Variants in AGO1 observed in about 807,000 individuals in gnomAD.
The protein encoded by AGO1 is argonaute RISC component 1, also known as protein argonaute-1.
AGO1 carries 11 observed loss-of-function variants against 109.2 expected under a neutral mutation model. That is an observed-to-expected ratio of 0.10 (90% confidence interval 0.06 to 0.17). AGO1 has a LOEUF of 0.17. Ranked by LOEUF, AGO1 falls within the 10% of genes least tolerant of loss-of-function variation. The probability of loss-of-function intolerance (pLI) is 1.00; values close to 1 mark genes in which losing one functional copy is unlikely to be tolerated. For missense variants in AGO1, 574 were observed against 1,140.3 expected (o/e 0.50, Z 7.15); for synonymous variants, 422 against 418.6 (o/e 1.01, Z -0.10).
rs1645064938 is a variant in AGO1 at position 35,883,490 on chromosome 1, G to A, written c.25+44G>A. 6.6e-7 allele frequency: 1 copy of A among 1,512,956 alleles called. No homozygotes were observed. The highest frequency in any genetic ancestry group is 1.5e-5 in the African/African-American group (1 of 68,330). The allele number at this position is 1,512,956 out of a possible 1,614,324, so 93.7% of individuals were successfully genotyped here. ...GGGAACGGTGCATGCTCCAAGGACTGGGGGATCCCGCATGAAAAGCGTGGT... is the reference window on the plus strand; with the variant it reads ...GGGAACGGTGCATGCTCCAAGGACTAGGGGATCCCGCATGAAAAGCGTGGT... On this transcript the variant is annotated intron_variant, in intron 1 of 18. Transcript: ENST00000373204. This position sits in a 1 kb window ranked among gnomAD's most constrained non-coding sequence, Gnocchi z 5.4.
chr1:35,899,562 C>G (rs978826149), intron 8 of AGO1, among the ~76,000 whole-genome samples: 1 of 152,194 alleles, frequency 6.6e-6, no homozygotes, highest in East Asian at 1.9e-4. Flanking sequence ...TCTTTAACCA[C>G]CTGTAGAGAA....
rs1645793078 is a variant in AGO1 at position 35,919,422 on chromosome 1, A to C, written c.2466-77A>C. The C allele has an allele frequency of 2.0e-6, 3 of 1,493,492 alleles. No homozygotes were observed. The highest frequency in any genetic ancestry group is 2.7e-6 in the Non-Finnish European group (3 of 1,096,924). 92.5% of individuals were successfully genotyped at this position (1,493,492 alleles called of 1,614,324 possible). On this transcript the variant is annotated intron_variant, in intron 18 of 18. Transcript: ENST00000373204. The surrounding 1 kb of genome is among the most constrained non-coding windows in gnomAD (Gnocchi z 6.6). ...CTCTTAAGTTGGTATGGGAATTGGC[A>C]TCCCAGGGCTGGGCGAGGGAATTAG...
intron 15 of AGO1, among the ~76,000 whole-genome samples, chr1:35,916,185 C>G (rs1385835360): frequency 2.6e-5 from 4 of 151,510 alleles, no homozygotes; most frequent in South Asian, 2.1e-4. Flanking sequence ...AACATATGTT[C>G]TATTTAATGC....
At chr1:35,870,007 G>T (rs1479840330) in intron 1 of AGO1, 1 of 152,068 alleles carries the variant, frequency 6.6e-6, no homozygotes. Context: ...AGGCTGTGGA[G>T]ATATTTATAT....
chr1:35,906,109 C>T (rs941502065), intron 11 of AGO1, among the ~76,000 whole-genome samples: 4 of 152,180 alleles, frequency 2.6e-5, no homozygotes, highest in Admixed American at 6.5e-5. Context: ...TACTCTACTG[C>T]ATGTGTGTCC....
At chr1:35,889,075 G>A (rs1249058245) in intron 2 of AGO1, among the ~76,000 whole-genome samples, 1 of 151,330 alleles carries the variant, frequency 6.6e-6, no homozygotes, top group Non-Finnish European at 1.5e-5. Context: ...CCTTGATGAG[G>A]CAGAAGGACA....
chr1:35,907,245 C>T, intron 12 of AGO1, 126 bp downstream of exon 12: 2 of 848,828 alleles, frequency 2.4e-6, no homozygotes, highest in Non-Finnish European at 1.7e-6. Flanking sequence ...AATGTCAGTG[C>T]TCCTCTTATA....
At chr1:35,879,458 TAAAA>T (rs1164295719), upstream of AGO1, among the ~76,000 whole-genome samples, 1 of 130,318 alleles carries the variant, frequency 7.7e-6, no homozygotes, top group Non-Finnish European at 1.6e-5. Context: ...CAAAAAAAAA[TAAAA>T]AAAAGTAAAA....
Position 35,888,668 on chromosome 1 carries a change from C to A in AGO1, c.209+58C>A, listed in dbSNP as rs185412627. 3.6e-4 allele frequency: 575 copies of A among 1,581,130 alleles called. No homozygotes were observed. The highest frequency in any genetic ancestry group is 4.5e-4 in the Non-Finnish European group (524 of 1,158,980). On this transcript the variant is annotated intron_variant, in intron 2 of 18. Coordinates refer to ENST00000373204, the MANE Select transcript of AGO1 (RefSeq NM_012199.5). This position sits in a 1 kb window ranked among gnomAD's most constrained non-coding sequence, Gnocchi z 4.1. ...AAAGACACCAACCTTGAAAGAGGGG[C>A]CAGAAAGGTAAAAGAAAAACCAGTA...
intron 17 of AGO1, 56 bp from the exon 18 acceptor site, chr1:35,918,999 A>G (rs1365352808): frequency 6.1e-6 from 9 of 1,486,122 alleles, no homozygotes; most frequent in Non-Finnish European, 8.4e-6. Context: ...CTGTTCCCCT[A>G]TTATCAGCCA....
At chr1:35,900,852 G>A (rs984279936) in intron 8 of AGO1, among the ~76,000 whole-genome samples, 2 of 152,012 alleles carry the variant, frequency 1.3e-5, no homozygotes, top group Admixed American at 1.3e-4. Context: ...AGATGTCTCT[G>A]AGCCGAGATT....
At chr1:35,870,219 G>C (rs1644936463) in intron 1 of AGO1, among the ~76,000 whole-genome samples, 1 of 151,802 alleles carries the variant, frequency 6.6e-6, no homozygotes, top group Admixed American at 6.6e-5. Context: ...GCTTGTTAGA[G>C]CTTGGATTCA....
At position 35,926,528 on chromosome 1, in the gene AGO1, C is replaced by T. The variant is rs1408159161; in HGVS notation, c.*6921C>T. 4 of 152,134 alleles carry T rather than the reference C, an allele frequency of 2.6e-5. No individual in the cohort carries two copies. Among genetic ancestry groups the T allele is most frequent in the African/African-American group, 9.7e-5 (4 of 41,420 alleles). 9.4% of individuals were successfully genotyped at this position (152,134 alleles called of 1,614,324 possible). On this transcript the variant is annotated 3_prime_UTR_variant, in exon 19 of 19. Coordinates refer to ENST00000373204, the MANE Select transcript of AGO1 (RefSeq NM_012199.5). ...TGGTGGCTAAACGAAAGAGTTAGTG[C>T]AAGGAAAAGCCTAGTTGGAATTTCT... is the stretch of plus-strand genomic sequence containing the variant.
chr1:35,928,640 A>G lies in AGO1; in HGVS notation c.*9033A>G, dbSNP rs951256614. 11 of 152,312 alleles carry G rather than the reference A, an allele frequency of 7.2e-5. No individual in the cohort carries two copies. The highest frequency in any genetic ancestry group is 2.2e-4 in the African/African-American group (9 of 41,578). 9.4% of individuals were successfully genotyped at this position (152,312 alleles called of 1,614,324 possible). On this transcript the variant is annotated 3_prime_UTR_variant, in exon 19 of 19. Transcript: ENST00000373204. Reference sequence around the variant, plus strand: ...TTTTATTGAGTTGTAAGAGTTCTTTATTCATTTTAAACACAAGTCCTTTGT... The same window carrying G: ...TTTTATTGAGTTGTAAGAGTTCTTTGTTCATTTTAAACACAAGTCCTTTGT...
intron 8 of AGO1, among the ~76,000 whole-genome samples, chr1:35,898,558 G>C (rs931181366): frequency 1.3e-5 from 2 of 152,184 alleles, no homozygotes; most frequent in African/African-American, 4.8e-5. Context: ...CCTGGCCAAT[G>C]TTTAACATCG....
At position 35,927,399 on chromosome 1, in the gene AGO1, C is replaced by T. The variant is rs946799865; in HGVS notation, c.*7792C>T. ...AGTTTCTTGAAATTTTTTTGCTCTG[C>T]CATCCTCCATGTTTATCCTCACGCC... On this transcript the variant is annotated 3_prime_UTR_variant, in exon 19 of 19. Transcript: ENST00000373204. The T allele has an allele frequency of 6.6e-6, 1 of 152,112 alleles. No homozygotes were observed. Among genetic ancestry groups the T allele is most frequent in the African/African-American group, 2.4e-5 (1 of 41,422 alleles). 9.4% of individuals were successfully genotyped at this position (152,112 alleles called of 1,614,324 possible).
Position 35,928,349 on chromosome 1 carries a change from C to G in AGO1, c.*8742C>G, listed in dbSNP as rs186500181. ...AGGCTGGAGTGCAGTCTCATGATCG[C>G]GGCTCACTGCAGTTTCTGCCTCCTG... On this transcript the variant is annotated 3_prime_UTR_variant, in exon 19 of 19. Coordinates refer to ENST00000373204, the MANE Select transcript of AGO1 (RefSeq NM_012199.5). 2 of 152,232 alleles carry G rather than the reference C, an allele frequency of 1.3e-5. No homozygotes were observed. Among genetic ancestry groups the G allele is most frequent in the Non-Finnish European group, 2.9e-5 (2 of 68,098 alleles). The allele number at this position is 152,232 out of a possible 1,614,324, so 9.4% of individuals were successfully genotyped here. A position where few individuals can be genotyped will look rare whatever the true frequency, so the allele number is the denominator to read the frequency against.
At position 35,901,075 on chromosome 1, in the gene AGO1, G is replaced by A. The variant is rs547060352; in HGVS notation, c.1021-399G>A. ...GGGCTCACTGCAACCTCCGCCTCCC[G>A]GTTCAAGCGATTCTTGTTCCTCAGC... On this transcript the variant is annotated intron_variant, in intron 8 of 18. Transcript: ENST00000373204. This position sits in a 1 kb window ranked among gnomAD's most constrained non-coding sequence, Gnocchi z 4.8. Among the ~76,000 whole-genome samples the A allele has an allele frequency of 6.0e-4, 91 of 150,610 alleles. No individual in the cohort carries two copies. The highest frequency in any genetic ancestry group is 1.5e-3 in the South Asian group (7 of 4,738).
At chr1:35,870,963 T>A (rs1423463084) in intron 1 of AGO1, among the ~76,000 whole-genome samples, 1 of 152,232 alleles carries the variant, frequency 6.6e-6, no homozygotes. Context: ...ATATCACAAT[T>A]CATGTATCTG....
Sources: gnomAD v4.1 joint callset for allele counts (sites outside exome capture counted in the v4.1 genomes callset) on GRCh38, gnomAD v4.1.1 for gene constraint, Gnocchi (gnomAD v3.1) non-coding constraint, MANE v1.5 for transcripts, NCBI Gene and HGNC (gene_info 2026-07-23, HGNC 2026-07-21) for gene names.